NBAS: variants seen among roughly 807,000 people sequenced by gnomAD.
The protein encoded by NBAS is NBAS subunit of NRZ tethering complex.
Under a neutral mutation model 302.5 loss-of-function variants are expected in NBAS, and 219 were observed. The ratio of observed to expected loss-of-function variants is 0.72; its 90% CI spans 0.65 to 0.81. The LOEUF (loss-of-function observed/expected upper bound fraction) is 0.81, where lower values mean the gene tolerates loss of function less well. Among genes scored for constraint, NBAS ranks in the 30% least tolerant of loss-of-function variants. The pLI is 0.00. For synonymous variants in NBAS, 1,118 were observed against 1,021.6 expected (o/e 1.09, Z -1.80); for missense variants, 2,932 against 2,841.6 (o/e 1.03, Z -0.72).
At chr2:15,503,083 TC>T (rs1407723754) in intron 11 of NBAS, among the ~76,000 whole-genome samples, 3 of 152,292 alleles carry the variant, frequency 2.0e-5, no homozygotes, top group African/African-American at 7.2e-5. Context: ...AGGGTCAGGA[TC>T]ATCAATATCA....
At chr2:15,134,054 C>A in the NBAS span, among the ~76,000 whole-genome samples, 9 of 85,894 alleles carry the variant, frequency 1.0e-4, no homozygotes, top group African/African-American at 4.9e-4. Flanking sequence ...ATGAACATTT[C>A]TTTCTCTCTC....
intron 16 of NBAS, among the ~76,000 whole-genome samples, chr2:15,470,980 AT>A (rs1198216730): frequency 6.6e-6 from 1 of 152,112 alleles, no homozygotes; most frequent in African/African-American, 2.4e-5. Flanking sequence ...AACAAAAAAA[AT>A]CATAAGCTCC....
intron 27 of NBAS, among the ~76,000 whole-genome samples, chr2:15,394,670 G>T (rs1675780097): frequency 1.3e-5 from 2 of 151,972 alleles, no homozygotes; most frequent in South Asian, 4.2e-4. Context: ...TATACTTTCA[G>T]TACAGTTTTA....
chr2:15,119,899 A>T, the NBAS span, among the ~76,000 whole-genome samples: 1 of 152,158 alleles, frequency 6.6e-6, no homozygotes, highest in Non-Finnish European at 1.5e-5. Flanking sequence ...CCTTTTACAG[A>T]TGAGGAAGCC....
chr2:15,322,234 G>A (rs1558533477), intron 38 of NBAS, among the ~76,000 whole-genome samples: 2 of 143,292 alleles, frequency 1.4e-5, no homozygotes. Flanking sequence ...ATCAGGACCT[G>A]TCAGGGGGTG....
intron 25 of NBAS, among the ~76,000 whole-genome samples, chr2:15,408,809 T>A (rs888512658): frequency 3.9e-5 from 6 of 152,208 alleles, no homozygotes; most frequent in Non-Finnish European, 8.8e-5. Context: ...CGAACAATGA[T>A]AGCTATATAG....
chr2:15,092,927 G>C, the NBAS span, among the ~76,000 whole-genome samples: 1 of 152,138 alleles, frequency 6.6e-6, no homozygotes, highest in Admixed American at 6.5e-5. Context: ...CATAAGCATA[G>C]CACTGTGTTT....
the NBAS span, among the ~76,000 whole-genome samples, chr2:14,863,521 T>C: frequency 6.6e-6 from 1 of 152,280 alleles, no homozygotes; most frequent in South Asian, 2.1e-4. Flanking sequence ...CAAGTCATAA[T>C]GGTAGAATGT....
chr2:15,049,692 C>T, the NBAS span, among the ~76,000 whole-genome samples: 3 of 152,212 alleles, frequency 2.0e-5, no homozygotes, highest in Non-Finnish European at 4.4e-5. Flanking sequence ...GATAGATCCT[C>T]GTGCTCCTTC....
Position 15,330,593 on chromosome 2 carries a change from C to T in NBAS, c.4347+5G>A. ...TGATTTTAAAAAGAAAGATGCACTGCTTACCTGAAGGGGTCGAAGGTAAGT... is the reference window on the plus strand; with the variant it reads ...TGATTTTAAAAAGAAAGATGCACTGTTTACCTGAAGGGGTCGAAGGTAAGT... On this transcript the variant is annotated splice_donor_5th_base_variant and intron_variant, in intron 36 of 51. Transcript: ENST00000281513. 1 of 1,613,622 alleles carries T rather than the reference C, an allele frequency of 6.2e-7. No homozygotes were observed. Among genetic ancestry groups the T allele is most frequent in the Admixed American group, 1.7e-5 (1 of 59,960 alleles).
chr2:15,126,236 C>G, the NBAS span, among the ~76,000 whole-genome samples: 1 of 152,180 alleles, frequency 6.6e-6, no homozygotes, highest in African/African-American at 2.4e-5. Flanking sequence ...CTCCCTGTGG[C>G]CTTCCTCCAT....
Position 15,379,702 on chromosome 2 carries a change from T to C in NBAS, c.3490A>G (p.Arg1164Gly). 6.2e-7 allele frequency: 1 copy of C among 1,614,052 alleles called. No individual in the cohort carries two copies. The highest frequency in any genetic ancestry group is 8.5e-7 in the Non-Finnish European group (1 of 1,179,996). Residue 1164 changes from arginine to glycine, a missense_variant, in exon 30 of 52, where the codon AGG becomes GGG. Arg to Gly is a moderately radical substitution (Grantham distance 125). Coordinates refer to ENST00000281513, the MANE Select transcript of NBAS (RefSeq NM_015909.4). Reference sequence around the variant, plus strand: ...TCAATACTCTTTTCGTAGCTGACCCTGTAGTGGGGTTTCCCTTTATGGGCT... The same window carrying C: ...TCAATACTCTTTTCGTAGCTGACCCCGTAGTGGGGTTTCCCTTTATGGGCT... ...GIAHKGKPHYRVSYEKSIDLV... is the reference protein window; with the variant it reads ...GIAHKGKPHYGVSYEKSIDLV...
chr2:15,413,305 T>C (rs1161661430), intron 25 of NBAS, among the ~76,000 whole-genome samples: 1 of 152,186 alleles, frequency 6.6e-6, no homozygotes, highest in East Asian at 1.9e-4. Context: ...TGCTCTCTAC[T>C]AGGCACTGTG....
At chr2:15,021,710 C>T in the NBAS span, among the ~76,000 whole-genome samples, 2,186 of 152,238 alleles carry the variant, frequency 0.014, 59 homozygotes, top group African/African-American at 0.051. Context: ...GTGGCTCAGC[C>T]CCTGACTGTT....
intron 5 of NBAS, among the ~76,000 whole-genome samples, chr2:15,552,794 T>C (rs1407308893): frequency 5.2e-5 from 1 of 19,206 alleles, no homozygotes; most frequent in East Asian, 3.8e-4. Context: ...AGCATACCTA[T>C]TTTTTTTTTT....
intron 35 of NBAS, among the ~76,000 whole-genome samples, chr2:15,340,744 CAA>C (rs1672809828): frequency 6.6e-6 from 1 of 152,044 alleles, no homozygotes; most frequent in African/African-American, 2.4e-5. Context: ...GACAAACCAG[CAA>C]AGACAGTGAG....
the NBAS span, among the ~76,000 whole-genome samples, chr2:14,938,920 A>G: frequency 5.3e-5 from 8 of 152,322 alleles, 1 homozygote; most frequent in African/African-American, 1.9e-4. Flanking sequence ...GCTTCAACCT[A>G]TAGAAATTTT....
chr2:14,908,959 A>G, the NBAS span, among the ~76,000 whole-genome samples: 7 of 152,158 alleles, frequency 4.6e-5, no homozygotes, highest in African/African-American at 1.7e-4. Flanking sequence ...ACTCCCAGAG[A>G]TTCCTAAATT....
At chr2:15,554,895 C>G (rs1182635756) in intron 3 of NBAS, among the ~76,000 whole-genome samples, 1 of 152,008 alleles carries the variant, frequency 6.6e-6, no homozygotes, top group Non-Finnish European at 1.5e-5. Context: ...CAAGAATCTG[C>G]AAGCATAAGT....
Sources: allele counts gnomAD v4.1 joint callset (sites outside exome capture counted in the v4.1 genomes callset), GRCh38; gene constraint gnomAD v4.1.1; transcripts MANE v1.5; gene names NCBI Gene and HGNC (gene_info 2026-07-23, HGNC 2026-07-21).